SYNPO: variants seen among roughly 807,000 people sequenced by gnomAD.
SYNPO encodes synaptopodin.
SYNPO carries 19 observed loss-of-function variants against 49.5 expected under a neutral mutation model. That is an observed-to-expected ratio of 0.38 (90% CI 0.27 to 0.56). The LOEUF is 0.56. Among genes scored for constraint, SYNPO ranks in the 20% least tolerant of loss-of-function variants. The probability of loss-of-function intolerance (pLI) is 0.68; values close to 1 mark genes in which losing one functional copy is unlikely to be tolerated. For missense variants in SYNPO, 1,131 were observed against 1,248.3 expected (o/e 0.91, Z 1.42); for synonymous variants, 536 against 548.0 (o/e 0.98, Z 0.31).
In SYNPO at chr5:150,648,046, C is replaced by T; in HGVS notation, c.-230C>T. 1 of 1,551,842 alleles carries T rather than the reference C, an allele frequency of 6.4e-7. No individual in the cohort carries two copies. Among genetic ancestry groups the T allele is most frequent in the Non-Finnish European group, 8.7e-7 (1 of 1,146,988 alleles). On this transcript the variant is annotated 5_prime_UTR_variant, in exon 2 of 3. Transcript: ENST00000307662. This position sits in a 1 kb window ranked among gnomAD's most constrained non-coding sequence, Gnocchi z 5.0. ...CTGACCACCCCTCCCAGCTCCAATT[C>T]CCGTGGCGTCCAGCTCTTCAACAGG...
Position 150,647,962 on chromosome 5 carries a change from G to A in SYNPO, c.-314G>A. ...CCTGTAGCGTTGGGCCGGAGCACTA[G>A]CCTCACGGAGAAGGATCTGAAAGAA... On this transcript the variant is annotated 5_prime_UTR_variant, in exon 2 of 3. Transcript: ENST00000307662. The A allele has an allele frequency of 6.4e-7, 1 of 1,551,802 alleles. No homozygotes were observed. Among genetic ancestry groups the A allele is most frequent in the South Asian group, 1.2e-5 (1 of 84,064 alleles).
At chr5:150,590,556 C>T in the SYNPO span, among the ~76,000 whole-genome samples, 1 of 152,216 alleles carries the variant, frequency 6.6e-6, no homozygotes, top group South Asian at 2.1e-4. Context: ...CTCCACCTCA[C>T]GTCCTAGAAG....
chr5:150,605,232 C>T (rs980286284), intron 1 of SYNPO, among the ~76,000 whole-genome samples: 1 of 152,092 alleles, frequency 6.6e-6, no homozygotes, highest in African/African-American at 2.4e-5. Flanking sequence ...GGCCCTGAGC[C>T]CCAGGTGGGG....
At chr5:150,612,647 AC>A (rs1245719832) in intron 1 of SYNPO, among the ~76,000 whole-genome samples, 1 of 152,222 alleles carries the variant, frequency 6.6e-6, no homozygotes, top group Non-Finnish European at 1.5e-5. Context: ...TAATAATAGC[AC>A]CTTCCTTATA....
chr5:150,657,165 G>T lies in SYNPO; in HGVS notation c.*78G>T. 1 of 1,437,292 alleles carries T rather than the reference G, an allele frequency of 7.0e-7. No homozygotes were observed. Among genetic ancestry groups the T allele is most frequent in the Non-Finnish European group, 9.3e-7 (1 of 1,074,036 alleles). The allele number at this position is 1,437,292 out of a possible 1,614,324, so 89.0% of individuals were successfully genotyped here. ...AGACCTGGGGGACCCAAAGGGTCTG[G>T]CCTCTTTGGGCAGCCCCAGAGATGA... is the stretch of plus-strand genomic sequence containing the variant. On this transcript the variant is annotated 3_prime_UTR_variant, in exon 3 of 3. Transcript: ENST00000307662.
rs1296936544 is a variant in SYNPO at position 150,640,682 on chromosome 5, T to A, written c.-505T>A. On this transcript the variant is annotated 5_prime_UTR_variant, in exon 1 of 3. Coordinates refer to ENST00000307662, the MANE Select transcript of SYNPO (RefSeq NM_007286.6). ...CCTGATAAAGAGCTGGGCTGAGTCA[T>A]CTGTGGAGGAGAAAAGTCACATCCA... The A allele has an allele frequency of 1.0e-6, 1 of 985,414 alleles. No individual in the cohort carries two copies. The highest frequency in any genetic ancestry group is 1.7e-5 in the African/African-American group (1 of 57,218). The allele number at this position is 985,414 out of a possible 1,614,324, so 61.0% of individuals were successfully genotyped here.
In SYNPO at chr5:150,656,863, G is replaced by A; in HGVS notation, c.2488G>A (p.Ala830Thr). 6.4e-7 allele frequency: 1 copy of A among 1,563,486 alleles called. No individual in the cohort carries two copies. The highest frequency in any genetic ancestry group is 8.6e-7 in the Non-Finnish European group (1 of 1,156,510). ...GCCCATCCCGCGGAGCCCGTTGCCC[G>A]CCGGTCCTTCGTCCTGCACCAGTCC... Reference protein sequence around the residue: ...FAPIPRSPLPAGPSSCTSPRS... With the variant: ...FAPIPRSPLPTGPSSCTSPRS... The change falls in exon 3 of 3, where the codon GCC becomes ACC. Residue 830 changes from alanine to threonine, a missense_variant. This residue lies in a region of SYNPO where 509 missense variants were observed against 484.5 expected (regional missense o/e 1.05). Transcript: ENST00000307662.
rs771944368 is a variant in SYNPO at position 150,656,958 on chromosome 5, C to T, written c.2583C>T (p.Ser861=). 1.3e-6 allele frequency: 2 copies of T among 1,588,034 alleles called. No individual in the cohort carries two copies. Among genetic ancestry groups the T allele is most frequent in the Non-Finnish European group, 1.7e-6 (2 of 1,168,120 alleles). Reference sequence around the variant, plus strand: ...GCTCGCCCACGGACTCCGACGTGTCCCTCGACTCCGAGGACTCCGGGGCTA... The same window carrying T: ...GCTCGCCCACGGACTCCGACGTGTCTCTCGACTCCGAGGACTCCGGGGCTA... ...YRRSPTDSDV[S]LDSEDSGAKS... is the part of the protein sequence containing the mutation. The change falls in exon 3 of 3, where the codon TCC becomes TCT. Residue 861 remains serine (S), a synonymous_variant. Coordinates refer to ENST00000307662, the MANE Select transcript of SYNPO (RefSeq NM_007286.6).
At chr5:150,606,275 A>G (rs913135394) in intron 1 of SYNPO, among the ~76,000 whole-genome samples, 2 of 152,190 alleles carry the variant, frequency 1.3e-5, no homozygotes, top group Non-Finnish European at 2.9e-5. Flanking sequence ...TTCTGGTTCA[A>G]CCTGCTCCCC....
At chr5:150,594,219 A>G in the SYNPO span, among the ~76,000 whole-genome samples, 1 of 152,142 alleles carries the variant, frequency 6.6e-6, no homozygotes, top group Admixed American at 6.5e-5. Context: ...GAGTCTGGCC[A>G]AGTGGGGCTG....
In SYNPO at chr5:150,618,690, G is replaced by A; in HGVS notation, c.323G>A (p.Trp108Ter). 1 of 1,550,908 alleles carries A rather than the reference G, an allele frequency of 6.4e-7. No homozygotes were observed. ...CACGACGACAGGGCCAGCCAGGACT[G>A]GGATGTAGTGAAGGCCGGGCAGATG... Residue 108 changes from tryptophan (W) to a stop codon, truncating the protein, a stop_gained, in exon 2 of 3, where the codon TGG (tryptophan) becomes TAG (stop). Coordinates refer to the SYNPO transcript ENST00000394243. LOFTEE classifies it high-confidence loss of function.
rs1174017482 is a variant in SYNPO at position 150,652,131 on chromosome 5, C to T, written c.2028+1828C>T. On this transcript the variant is annotated intron_variant, in intron 2 of 2. Transcript: ENST00000307662. ...ATTTCACACAGATCGAGGGGGTATG[C>T]GTGGGGGAGTTGTGAGTGAGCTCAG... 36 of 1,001,774 alleles carry T rather than the reference C, an allele frequency of 3.6e-5. 1 individual carries two copies. The South Asian group carries it at 1.3e-3, about 35-fold the overall frequency. The allele number at this position is 1,001,774 out of a possible 1,614,324, so 62.1% of individuals were successfully genotyped here.
chr5:150,635,778 C>T (rs1463971715), upstream of SYNPO, among the ~76,000 whole-genome samples: 1 of 152,192 alleles, frequency 6.6e-6, no homozygotes, highest in Non-Finnish European at 1.5e-5. Flanking sequence ...TTTTCTTATT[C>T]GTGTCCTACC....
chr5:150,634,360 C>T (rs930313136), intron 2 of SYNPO, among the ~76,000 whole-genome samples: 4 of 152,204 alleles, frequency 2.6e-5, no homozygotes, highest in Non-Finnish European at 5.9e-5. Context: ...AGCTCCTGGC[C>T]TGGTCCTTTC....
chr5:150,600,717 C>T (rs72660272), upstream of SYNPO, among the ~76,000 whole-genome samples: 1,646 of 152,190 alleles, frequency 0.011, 94 homozygotes, highest in East Asian at 0.16. Context: ...ATAAAGGGAG[C>T]CCCGAGTCCT....
At chr5:150,651,253 G>A (rs751841838) in intron 2 of SYNPO, 18 of 1,001,964 alleles carry the variant, frequency 1.8e-5, no homozygotes, top group East Asian at 1.1e-4. Context: ...CCACCTCAGC[G>A]CAGTGGAACG....
At chr5:150,595,061 G>T in the SYNPO span, among the ~76,000 whole-genome samples, 2 of 152,162 alleles carry the variant, frequency 1.3e-5, no homozygotes, top group South Asian at 2.1e-4. Context: ...AAATATTTAT[G>T]CCTAAAAAAT....
chr5:150,595,427 C>G, the SYNPO span, among the ~76,000 whole-genome samples: 3 of 152,230 alleles, frequency 2.0e-5, no homozygotes, highest in East Asian at 3.9e-4. Context: ...TGGCTCAGGT[C>G]TCACAGCATC....
chr5:150,610,151 C>T (rs1016978056), intron 1 of SYNPO, among the ~76,000 whole-genome samples: 1 of 152,204 alleles, frequency 6.6e-6, no homozygotes, highest in Non-Finnish European at 1.5e-5. Context: ...GGCTTGAGTG[C>T]CCCAGCATCC....
Sources: gnomAD v4.1 joint callset for allele counts (sites outside exome capture counted in the v4.1 genomes callset) on GRCh38, gnomAD v4.1.1 for gene constraint, gnomAD v4.1.1 regional missense constraint, Gnocchi (gnomAD v3.1) non-coding constraint, MANE v1.5 for transcripts, NCBI Gene and HGNC (gene_info 2026-07-23, HGNC 2026-07-21) for gene names.